GGNBP2: variants seen among roughly 807,000 people sequenced by gnomAD.
GGNBP2 encodes the protein gametogenetin binding protein 2, also known as gametogenetin-binding protein 2.
GGNBP2 carries 10 observed loss-of-function variants against 85.9 expected under a neutral mutation model. The observed-to-expected ratio is 0.12, with a 90% CI of 0.07 to 0.20. GGNBP2 has a LOEUF of 0.20. Among genes scored for constraint, GGNBP2 ranks in the 10% least tolerant of loss-of-function variants. The pLI is 1.00. For missense variants in GGNBP2, 595 were observed against 857.8 expected (o/e 0.69, Z 3.83); for synonymous variants, 287 against 285.7 (o/e 1.00, Z -0.05).
At chr17:36,586,452 G>A in intron 12 of GGNBP2, 1 of 474,930 alleles carries the variant, frequency 2.1e-6, no homozygotes, top group Non-Finnish European at 3.8e-6. Flanking sequence ...TATAAGCTGT[G>A]TAATCTTAAA....
chr17:36,588,196 GA>G, intron 13 of GGNBP2, among the ~76,000 whole-genome samples: 1 of 152,242 alleles, frequency 6.6e-6, no homozygotes, highest in Non-Finnish European at 1.5e-5. Flanking sequence ...AGGGGAGGAA[GA>G]AGAGTGGTGT....
rs932414542 is a variant in GGNBP2 at position 36,579,461 on chromosome 17, C to T, written c.1020+42C>T. ...GTTCCAGTATCTCAGATTGCTTAGT[C>T]ACGTTATTGGACTGAATCTTAATGT... is the stretch of plus-strand genomic sequence containing the variant. On this transcript the variant is annotated intron_variant, in intron 8 of 13. Coordinates refer to ENST00000613102, the MANE Select transcript of GGNBP2 (RefSeq NM_024835.5). 6 of 1,554,190 alleles carry T rather than the reference C, an allele frequency of 3.9e-6. No homozygotes were observed. The East Asian group carries it at 1.3e-4, about 35-fold the overall frequency.
chr17:36,564,495 GCTACAGTTCCA>G (rs2074449851), intron 5 of GGNBP2, among the ~76,000 whole-genome samples: 1 of 152,126 alleles, frequency 6.6e-6, no homozygotes, highest in Non-Finnish European at 1.5e-5. Flanking sequence ...TCCCCTTCTA[GCTACAGTTCCA>G]CTACATGGGA....
rs530708091 is a variant in GGNBP2, at chr17:36,584,212, A to G, written c.1216-1088A>G. Among the ~76,000 whole-genome samples the G allele has an allele frequency of 5.3e-5, 8 of 152,320 alleles. No homozygotes were observed. In the South Asian group the frequency reaches 1.7e-3, roughly 32 times the overall value. Reference sequence around the variant, plus strand: ...ATCCAAGTCTCTCAGTTTGTCTCTCATTTATTCGTTCAAGTGAACTTGATG... The same window carrying G: ...ATCCAAGTCTCTCAGTTTGTCTCTCGTTTATTCGTTCAAGTGAACTTGATG... On this transcript the variant is annotated intron_variant, in intron 9 of 13. Coordinates refer to ENST00000613102, the MANE Select transcript of GGNBP2 (RefSeq NM_024835.5).
chr17:36,586,676 T>G, intron 12 of GGNBP2: 1 of 308,436 alleles, frequency 3.2e-6, no homozygotes, highest in South Asian at 3.6e-5. Flanking sequence ...TAGAGTACAG[T>G]GGCATAATCT....
rs2074737992 is a variant in GGNBP2 at position 36,589,530 on chromosome 17, C to CT, written c.*122dup. 1 of 726,690 alleles carries CT rather than the reference C, an allele frequency of 1.4e-6. No individual in the cohort carries two copies. The highest frequency in any genetic ancestry group is 2.5e-5 in the Admixed American group (1 of 39,378). 45.0% of individuals were successfully genotyped at this position (726,690 alleles called of 1,614,324 possible). A position where few individuals can be genotyped will look rare whatever the true frequency, so the allele number is the denominator to read the frequency against. ...AATTTTATCTTAAATCAATGTGATTCTTTCTTGTTTTGGGAGACGGTGGAG... is the reference window on the plus strand; with the variant it reads ...AATTTTATCTTAAATCAATGTGATTCTTTTCTTGTTTTGGGAGACGGTGGAG... On this transcript the variant is annotated 3_prime_UTR_variant, in exon 14 of 14. Coordinates refer to ENST00000613102, the MANE Select transcript of GGNBP2 (RefSeq NM_024835.5).
chr17:36,584,788 C>T (rs2074684222), intron 9 of GGNBP2, among the ~76,000 whole-genome samples: 1 of 152,066 alleles, frequency 6.6e-6, no homozygotes. Flanking sequence ...GAAACCCTGT[C>T]TCTACAAAGG....
intron 5 of GGNBP2, among the ~76,000 whole-genome samples, chr17:36,564,036 C>T (rs750796780): frequency 1.3e-5 from 2 of 152,166 alleles, no homozygotes; most frequent in Non-Finnish European, 2.9e-5. Flanking sequence ...TGAGCCACGG[C>T]GCCTGGCCCA....
chr17:36,558,283 C>T (rs2074382777), intron 4 of GGNBP2, among the ~76,000 whole-genome samples: 4 of 150,346 alleles, frequency 2.7e-5, no homozygotes, highest in Admixed American at 2.0e-4. Flanking sequence ...GGAGTGGTGG[C>T]GGGTCCCTGT....
At chr17:36,555,349 G>A (rs1213132915) in intron 3 of GGNBP2, among the ~76,000 whole-genome samples, 1 of 152,132 alleles carries the variant, frequency 6.6e-6, no homozygotes, top group Non-Finnish European at 1.5e-5. Context: ...ATCCGTGGGG[G>A]ATAGTTCAAG....
Position 36,581,525 on chromosome 17 carries a change from T to G in GGNBP2, c.1202T>G (p.Val401Gly). 1 of 1,606,398 alleles carries G rather than the reference T, an allele frequency of 6.2e-7. No homozygotes were observed. The highest frequency in any genetic ancestry group is 8.5e-7 in the Non-Finnish European group (1 of 1,175,952). Residue 401 changes from valine to glycine, a missense_variant, in exon 9 of 14, where the codon GTA becomes GGA. Coordinates refer to ENST00000613102, the MANE Select transcript of GGNBP2 (RefSeq NM_024835.5). Reference protein sequence around the residue: ...TPLQTADEKEVSQEKETDFIE... With the variant: ...TPLQTADEKEGSQEKETDFIE... Reference sequence around the variant, plus strand: ...TTACAAACAGCAGATGAAAAGGAAGTAAGCCAAGAGAAGGTAATATTTCTT... The same window carrying G: ...TTACAAACAGCAGATGAAAAGGAAGGAAGCCAAGAGAAGGTAATATTTCTT...
At chr17:36,580,038 CAAA>C (rs373447873) in intron 8 of GGNBP2, among the ~76,000 whole-genome samples, 3 of 150,938 alleles carry the variant, frequency 2.0e-5, no homozygotes, top group Non-Finnish European at 4.4e-5. Flanking sequence ...AAAAACAAAA[CAAA>C]AAAAACACAC....
chr17:36,551,985 A>G (rs1316491775), intron 2 of GGNBP2, among the ~76,000 whole-genome samples: 2 of 152,214 alleles, frequency 1.3e-5, no homozygotes, highest in Non-Finnish European at 2.9e-5. Flanking sequence ...AGAGATTTTG[A>G]TTTGGTTAAA....
At chr17:36,567,567 A>G in intron 5 of GGNBP2, 96 bp from the exon 6 acceptor site, 1 of 666,264 alleles carries the variant, frequency 1.5e-6, no homozygotes. Flanking sequence ...GGGAACAGCC[A>G]GGTAAAAACA....
chr17:36,589,081 A>G (rs2074732589), intron 13 of GGNBP2, 127 bp from the exon 14 acceptor site: 3 of 675,460 alleles, frequency 4.4e-6, no homozygotes. Flanking sequence ...AAACACTCCA[A>G]TTAAAGGCTT....
chr17:36,567,659 A>T lies in GGNBP2; in HGVS notation c.528-4A>T. The T allele has an allele frequency of 1.3e-6, 2 of 1,500,922 alleles. No individual in the cohort carries two copies. The highest frequency in any genetic ancestry group is 1.9e-6 in the Non-Finnish European group (2 of 1,079,708). 93.0% of individuals were successfully genotyped at this position (1,500,922 alleles called of 1,614,324 possible). ...CTTTTCACTAATATTTGTTCTTTCT[A>T]CAGAGGTTGTTGGATGGATGTATGG... On this transcript the variant is annotated splice_region_variant and splice_polypyrimidine_tract_variant and intron_variant, in intron 5 of 13. Transcript: ENST00000613102.
At chr17:36,575,633 TATATATA>T (rs2074570511) in intron 6 of GGNBP2, among the ~76,000 whole-genome samples, 2 of 48,194 alleles carry the variant, frequency 4.1e-5, no homozygotes, top group East Asian at 7.1e-4. Context: ...TATATATATA[TATATATA>T]TATATATATT....
chr17:36,586,963 T>G (rs777855103), intron 12 of GGNBP2, 34 bp from the exon 13 acceptor site: 1 of 1,596,926 alleles, frequency 6.3e-7, no homozygotes. Flanking sequence ...ATATCATGCC[T>G]TTTTACCTGT....
intron 2 of GGNBP2, among the ~76,000 whole-genome samples, chr17:36,548,590 G>C (rs563475564): frequency 8.8e-6 from 1 of 114,076 alleles, no homozygotes. Flanking sequence ...ACTCCAGCCT[G>C]GGCAACAAGA....
Sources: allele counts gnomAD v4.1 joint callset (sites outside exome capture counted in the v4.1 genomes callset), GRCh38; gene constraint gnomAD v4.1.1; transcripts MANE v1.5; gene names NCBI Gene and HGNC (gene_info 2026-07-23, HGNC 2026-07-21).